ADCY3: variants seen among roughly 807,000 people sequenced by gnomAD.
ADCY3 encodes the protein adenylate cyclase type 3.
ADCY3 carries 70 observed loss-of-function variants against 119.4 expected under a neutral mutation model. That is an observed-to-expected ratio of 0.59 (90% CI 0.48 to 0.72). The LOEUF (loss-of-function observed/expected upper bound fraction) is 0.72. Ranked by LOEUF, ADCY3 falls within the 30% of genes least tolerant of loss-of-function variation. The pLI, the probability that ADCY3 is intolerant of heterozygous loss-of-function variation, is 0.00. For synonymous variants in ADCY3, 672 were observed against 621.4 expected, an observed-to-expected ratio of 1.08 and a Z score of -1.21; for missense variants, 1,238 against 1,541.6, an observed-to-expected ratio of 0.80 and a Z score of 3.30.
Position 24,842,050 on chromosome 2 carries a change from G to A in ADCY3, c.956+204C>T, listed in dbSNP as rs1226657432. Among the ~76,000 whole-genome samples the A allele has an allele frequency of 1.3e-5, 2 of 152,198 alleles. No homozygotes were observed. Among genetic ancestry groups the A allele is most frequent in the Non-Finnish European group, 2.9e-5 (2 of 68,040 alleles). ...CTCCAGGTGATATCTGTTCTATGAT[G>A]GGGTTGGACCAAGCAGCCTAGAGCA... On this transcript the variant is annotated intron_variant, in intron 4 of 21. Coordinates refer to ENST00000679454, the MANE Select transcript of ADCY3 (RefSeq NM_004036.5). This position sits in a 1 kb window ranked among gnomAD's most constrained non-coding sequence, Gnocchi z 4.9.
chr2:24,913,587 C>G (rs564508613), intron 2 of ADCY3, among the ~76,000 whole-genome samples: 12 of 152,304 alleles, frequency 7.9e-5, no homozygotes, highest in African/African-American at 2.9e-4. Context: ...GTCCCCTTAT[C>G]TGTGAAATGG....
At chr2:24,821,996 C>T (rs765294214) in intron 19 of ADCY3, 53 of 240,364 alleles carry the variant, frequency 2.2e-4, no homozygotes, top group Non-Finnish European at 3.2e-4. Context: ...GGGGATGACC[C>T]GCCTTGGACG....
At chr2:24,891,033 C>A (rs1677590436) in intron 2 of ADCY3, among the ~76,000 whole-genome samples, 1 of 152,058 alleles carries the variant, frequency 6.6e-6, no homozygotes, top group Admixed American at 6.6e-5. Context: ...CCACACCCAG[C>A]AATTTTTTCA....
chr2:24,867,202 C>T (rs1156301801), intron 3 of ADCY3, among the ~76,000 whole-genome samples: 1 of 152,208 alleles, frequency 6.6e-6, no homozygotes, highest in Admixed American at 6.5e-5. Context: ...ACGGGAGCAA[C>T]AGTCTATCTG....
chr2:24,908,595 T>C (rs1432509449), intron 2 of ADCY3, among the ~76,000 whole-genome samples: 2 of 141,800 alleles, frequency 1.4e-5, no homozygotes, highest in African/African-American at 2.9e-5. Flanking sequence ...CAGTGCTTTG[T>C]AGTTTAAAGC....
chr2:24,862,284 C>A (rs573291363), intron 3 of ADCY3, among the ~76,000 whole-genome samples: 1 of 152,304 alleles, frequency 6.6e-6, no homozygotes, highest in South Asian at 2.1e-4. Context: ...CGGTGGCTCA[C>A]GCCTGTAATC....
intron 3 of ADCY3, among the ~76,000 whole-genome samples, chr2:24,858,690 G>A (rs1379248775): frequency 1.3e-5 from 2 of 152,188 alleles, no homozygotes; most frequent in Admixed American, 1.3e-4. Context: ...CAGTTCTCCA[G>A]CAATTCTACA....
chr2:24,869,218 A>G (rs1472109949), intron 3 of ADCY3, among the ~76,000 whole-genome samples: 1 of 152,176 alleles, frequency 6.6e-6, no homozygotes, highest in African/African-American at 2.4e-5. Context: ...AAAAGAAAAT[A>G]TTAAGAATAT....
intron 13 of ADCY3, among the ~76,000 whole-genome samples, chr2:24,829,755 CATT>C (rs909410508): frequency 1.3e-5 from 2 of 149,896 alleles, no homozygotes; most frequent in African/African-American, 2.5e-5. Flanking sequence ...ACAACAATAA[CATT>C]ATATTTGAAA....
In ADCY3 at chr2:24,819,524, A is replaced by G. The variant is rs573282339; in HGVS notation, c.*408T>C. On this transcript the variant is annotated 3_prime_UTR_variant, in exon 22 of 22. Coordinates refer to ENST00000679454, the MANE Select transcript of ADCY3 (RefSeq NM_004036.5). ...GAGACCTCCCTTCAAAATGGGAGCC[A>G]TGTCCTGCCCCACCAAGCCCTGTCT... 5.6e-4 allele frequency: 88 copies of G among 158,350 alleles called. No individual in the cohort carries two copies. The highest frequency in any genetic ancestry group is 1.1e-3 in the Non-Finnish European group (81 of 71,764). 9.8% of individuals were successfully genotyped at this position (158,350 alleles called of 1,614,324 possible).
intron 2 of ADCY3, among the ~76,000 whole-genome samples, chr2:24,882,900 TA>T (rs1676566584): frequency 6.6e-6 from 1 of 151,756 alleles, no homozygotes; most frequent in Non-Finnish European, 1.5e-5. Flanking sequence ...CTACTAAAAA[TA>T]CAAAAATTAG....
At chr2:24,853,783 G>C (rs566715503) in intron 3 of ADCY3, among the ~76,000 whole-genome samples, 4 of 152,128 alleles carry the variant, frequency 2.6e-5, no homozygotes, top group African/African-American at 9.7e-5. Flanking sequence ...ACCGTACCCG[G>C]CCAGTGAGCC....
At chr2:24,853,462 CTCA>C (rs1359771397) in intron 3 of ADCY3, among the ~76,000 whole-genome samples, 1 of 148,940 alleles carries the variant, frequency 6.7e-6, no homozygotes, top group Non-Finnish European at 1.5e-5. Flanking sequence ...TGAAACGCGC[CTCA>C]TCTTTTTTTT....
At position 24,836,937 on chromosome 2, in the gene ADCY3, G is replaced by C. The variant is rs1670392718; in HGVS notation, c.1642C>G (p.Pro548Ala). 6.2e-7 allele frequency: 1 copy of C among 1,613,188 alleles called. No homozygotes were observed. Among genetic ancestry groups the C allele is most frequent in the Admixed American group, 1.7e-5 (1 of 59,984 alleles). ...CATACCTGGGCATCCTGCTCCTCGG[G>C]CTTCTCCGACGTGGACCCACTGCTG... ...AHSSGSTSEK[P>A]EEQDAQADNP... The change falls in exon 9 of 22, where the codon CCC becomes GCC. Residue 548 changes from proline to alanine, a missense_variant. Around this residue, in one of 7 missense-constraint regions of ADCY3, gnomAD observed 499 missense variants for 571.0 expected, o/e 0.87. Transcript: ENST00000679454.
At chr2:24,845,738 GA>G (rs1671578344) in intron 3 of ADCY3, among the ~76,000 whole-genome samples, 1 of 152,240 alleles carries the variant, frequency 6.6e-6, no homozygotes. Flanking sequence ...AGACAATAGG[GA>G]AAATGTCTCC....
chr2:24,874,342 C>T (rs11888690), intron 2 of ADCY3, among the ~76,000 whole-genome samples: 4,564 of 152,286 alleles, frequency 0.03, 95 homozygotes, highest in African/African-American at 0.056. Flanking sequence ...TCGCCTACCC[C>T]GTTTGTGGGG....
intron 3 of ADCY3, among the ~76,000 whole-genome samples, chr2:24,863,208 T>G (rs1347536337): frequency 6.6e-6 from 1 of 152,150 alleles, no homozygotes; most frequent in East Asian, 1.9e-4. Context: ...AGTTTAACAT[T>G]TGAGTCGGTG....
rs562797497 is a variant in ADCY3 at position 24,884,108 on chromosome 2, A to AT, written c.676-11390dup. Among the ~76,000 whole-genome samples, 342 of 147,484 alleles carry AT rather than the reference A, an allele frequency of 2.3e-3. 4 individuals carry two copies. Among genetic ancestry groups the AT allele is most frequent in the African/African-American group, 7.0e-3 (281 of 40,252 alleles). ...CACAGCCTTCCCAGGGACATTCAGC[A>AT]TTTTTTTTTTCCAGTCACTGGTTCT... On this transcript the variant is annotated intron_variant, in intron 2 of 21. Coordinates refer to ENST00000679454, the MANE Select transcript of ADCY3 (RefSeq NM_004036.5).
intron 2 of ADCY3, among the ~76,000 whole-genome samples, chr2:24,913,223 C>T (rs769531589): frequency 2.6e-5 from 4 of 152,226 alleles, no homozygotes; most frequent in East Asian, 3.9e-4. Context: ...TCCTGCCCAC[C>T]GCACCTCACA....
Sources: gnomAD v4.1 joint callset for allele counts (sites outside exome capture counted in the v4.1 genomes callset) on GRCh38, gnomAD v4.1.1 for gene constraint, gnomAD v4.1.1 regional missense constraint, Gnocchi (gnomAD v3.1) non-coding constraint, MANE v1.5 for transcripts, NCBI Gene and HGNC (gene_info 2026-07-23, HGNC 2026-07-21) for gene names.